The following DAB1 variants were observed in gnomAD, a reference collection of about 807,000 sequenced individuals.
DAB1 encodes DAB adaptor protein 1.
A neutral mutation model predicts 64.6 loss-of-function variants in DAB1; 15 were observed. That is an observed-to-expected ratio of 0.23 (90% CI 0.16 to 0.36). The LOEUF is 0.36. DAB1 is among the 10% of genes least tolerant of loss of function. The pLI is 1.00. For synonymous variants in DAB1, 235 were observed against 251.9 expected (o/e 0.93, Z 0.64); for missense variants, 596 against 706.7 (o/e 0.84, Z 1.78).
At chr1:57,614,868 C>CTTTTTTTTTTTTTTTTTTTTT (rs34907824) in intron 7 of DAB1, among the ~76,000 whole-genome samples, 4 of 38,742 alleles carry the variant, frequency 1.0e-4, no homozygotes, top group Non-Finnish European at 1.3e-4. Context: ...TTCTTTCTTT[C>CTTTTTTTTTTTTTTTTTTTTT]TTTTTTTTTT....
intron 3 of DAB1, among the ~76,000 whole-genome samples, chr1:57,145,042 G>T (rs1197365437): frequency 1.3e-5 from 2 of 152,132 alleles, no homozygotes; most frequent in East Asian, 3.9e-4. Context: ...AAATAAAATG[G>T]AATAAAATGT....
chr1:57,796,487 G>T (rs1485538851), intron 6 of DAB1, among the ~76,000 whole-genome samples: 1 of 151,712 alleles, frequency 6.6e-6, no homozygotes, highest in Non-Finnish European at 1.5e-5. Flanking sequence ...AGATCGTGCC[G>T]CTGCATTCCA....
intron 2 of DAB1, among the ~76,000 whole-genome samples, chr1:57,192,878 C>T (rs1044971517): frequency 2.0e-5 from 3 of 152,166 alleles, no homozygotes; most frequent in East Asian, 1.9e-4. Context: ...GGTTGTACAA[C>T]CACCATTGCA....
intron 3 of DAB1, among the ~76,000 whole-genome samples, chr1:58,380,123 A>G (rs1242143361): frequency 6.6e-6 from 1 of 152,182 alleles, no homozygotes; most frequent in Non-Finnish European, 1.5e-5. Context: ...GAGATACCTC[A>G]TGGGCTCCTG....
chr1:57,212,201 C>T (rs1335195353), intron 2 of DAB1, among the ~76,000 whole-genome samples: 2 of 151,956 alleles, frequency 1.3e-5, no homozygotes, highest in South Asian at 2.1e-4. Context: ...GGATACCTAG[C>T]CCATCCCCCT....
chr1:58,323,133 T>G (rs550583900), intron 4 of DAB1, among the ~76,000 whole-genome samples: 3 of 152,074 alleles, frequency 2.0e-5, no homozygotes, highest in Non-Finnish European at 2.9e-5. Context: ...GAGAAATACC[T>G]AACGTAAATG....
At chr1:58,109,011 T>C (rs1244730842) in intron 5 of DAB1, among the ~76,000 whole-genome samples, 1 of 152,210 alleles carries the variant, frequency 6.6e-6, no homozygotes, top group African/African-American at 2.4e-5. Context: ...CTGAAATACC[T>C]TCAAGTCTGA....
intron 6 of DAB1, among the ~76,000 whole-genome samples, chr1:57,726,355 C>A (rs1200428963): frequency 1.3e-5 from 2 of 152,040 alleles, no homozygotes; most frequent in Non-Finnish European, 2.9e-5. Context: ...GCCTGACCAT[C>A]AGGAATAGGG....
intron 3 of DAB1, among the ~76,000 whole-genome samples, chr1:58,400,117 G>C (rs1644556848): frequency 1.3e-5 from 2 of 151,938 alleles, no homozygotes; most frequent in Admixed American, 1.3e-4. Context: ...ATAGAGATCT[G>C]TCAGCATCCC....
rs1043362920 is a variant in DAB1 at position 57,906,086 on chromosome 1, A to G, written n.388-21924T>C. 1.3e-5 allele frequency among the ~76,000 whole-genome samples: 2 copies of G among 152,150 alleles called. 1 individual carries two copies. Among genetic ancestry groups the G allele is most frequent in the South Asian group, 4.1e-4 (2 of 4,824 alleles). ...ATGTCCATGAAACCAGGTTCTCCCA[A>G]TGGAAGTAGTGAGAAACTTCTGGAA... On this transcript the variant is annotated intron_variant and non_coding_transcript_variant, in intron 5 of 20. Coordinates refer to the DAB1 transcript ENST00000485760.
intron 4 of DAB1, among the ~76,000 whole-genome samples, chr1:57,096,135 C>T (rs1022425066): frequency 3.3e-5 from 5 of 152,084 alleles, no homozygotes; most frequent in East Asian, 1.9e-4. Flanking sequence ...ATAGGGAAAT[C>T]GAAGCTGAGA....
intron 2 of DAB1, among the ~76,000 whole-genome samples, chr1:57,189,957 T>A (rs908500783): frequency 1.3e-5 from 2 of 151,960 alleles, no homozygotes; most frequent in African/African-American, 4.8e-5. Flanking sequence ...TGAACAGAAT[T>A]TGGTGTTATG....
chr1:57,040,731 C>T (rs1358539630), intron 9 of DAB1, among the ~76,000 whole-genome samples: 1 of 152,144 alleles, frequency 6.6e-6, no homozygotes, highest in Non-Finnish European at 1.5e-5. Context: ...CTCCTTTTTC[C>T]TTTTAAAAAC....
intron 3 of DAB1, among the ~76,000 whole-genome samples, chr1:58,449,117 G>GA (rs1051818531): frequency 6.6e-6 from 1 of 152,230 alleles, no homozygotes; most frequent in Non-Finnish European, 1.5e-5. Context: ...ATAAATGGCT[G>GA]AATGAATTGG....
At chr1:57,883,035 G>A (rs1228270181) in intron 1 of DAB1, among the ~76,000 whole-genome samples, 2 of 152,164 alleles carry the variant, frequency 1.3e-5, no homozygotes, top group African/African-American at 4.8e-5. Context: ...CATGCATACA[G>A]TTTTGATCTG....
chr1:58,337,285 GAAAA>G (rs11322441), intron 4 of DAB1, among the ~76,000 whole-genome samples: 1 of 67,186 alleles, frequency 1.5e-5, no homozygotes. Context: ...CTGTCTCAAA[GAAAA>G]AAAAAAAAAA....
At chr1:57,336,818 A>G (rs1281279081) in intron 1 of DAB1, among the ~76,000 whole-genome samples, 1 of 152,210 alleles carries the variant, frequency 6.6e-6, no homozygotes, top group Non-Finnish European at 1.5e-5. Flanking sequence ...AAGTATCCAA[A>G]TAGATGTCAC....
chr1:58,218,048 T>C (rs1183655056), intron 4 of DAB1, among the ~76,000 whole-genome samples: 1 of 151,994 alleles, frequency 6.6e-6, no homozygotes, highest in African/African-American at 2.4e-5. Flanking sequence ...ATGTATGTAT[T>C]GTATATAACC....
rs1570339003 is a variant in DAB1 at position 58,089,992 on chromosome 1, G to A, written n.387+60519C>T. Among the ~76,000 whole-genome samples, 11 of 152,312 alleles carry A rather than the reference G, an allele frequency of 7.2e-5. No homozygotes were observed. The South Asian group carries it at 2.3e-3, about 32-fold the overall frequency. Reference sequence around the variant, plus strand: ...CAACATCGCAGCTGCAAATTGCATCGGCAGTAAAAGCAAGTCGGGGGCACA... The same window carrying A: ...CAACATCGCAGCTGCAAATTGCATCAGCAGTAAAAGCAAGTCGGGGGCACA... On this transcript the variant is annotated intron_variant and non_coding_transcript_variant, in intron 5 of 20. Transcript: ENST00000485760.
Sources: gnomAD v4.1 joint callset for allele counts (sites outside exome capture counted in the v4.1 genomes callset) on GRCh38, gnomAD v4.1.1 for gene constraint, MANE v1.5 for transcripts, NCBI Gene and HGNC (gene_info 2026-07-23, HGNC 2026-07-21) for gene names.